CCDC192: variants seen among roughly 807,000 people sequenced by gnomAD.
CCDC192 encodes the protein coiled-coil domain containing 192.
intron 5 of CCDC192, among the ~76,000 whole-genome samples, chr5:127,816,729 G>A (rs567277152): frequency 8.5e-5 from 13 of 152,334 alleles, no homozygotes; most frequent in African/African-American, 2.6e-4. Context: ...AATGTTTCAA[G>A]CCTTGCACTG....
At chr5:127,707,005 C>T (rs1170488645) in intron 1 of CCDC192, among the ~76,000 whole-genome samples, 4 of 152,114 alleles carry the variant, frequency 2.6e-5, no homozygotes, top group Admixed American at 6.5e-5. Context: ...TAAGTCATGT[C>T]AAAAGCTGTT....
chr5:127,797,731 GTATATATATATATATATATATA>G (rs146458343), intron 4 of CCDC192, among the ~76,000 whole-genome samples: 238 of 21,058 alleles, frequency 0.011, 4 homozygotes, highest in African/African-American at 0.04. Context: ...TCATGTGAAG[GTATATATATATATATATATATA>G]TATATATATA....
rs1752972851 is a variant in CCDC192 at position 127,736,119 on chromosome 5, T to A, written c.115-18149T>A. 3.9e-5 allele frequency among the ~76,000 whole-genome samples: 2 copies of A among 51,444 alleles called. 1 individual carries two copies. Among genetic ancestry groups the A allele is most frequent in the Admixed American group, 5.7e-4 (2 of 3,520 alleles). The allele number at this position is 51,444 out of a possible 152,430, so 33.7% of individuals were successfully genotyped here. ...ATATGTCCCATCAAGACCTAATTTA[T>A]TGAGAGTTTTTAGCATGAAGGGTTG... On this transcript the variant is annotated intron_variant, in intron 2 of 6. Transcript: ENST00000514853.
At chr5:127,812,136 T>C (rs886727331) in intron 5 of CCDC192, among the ~76,000 whole-genome samples, 2 of 152,180 alleles carry the variant, frequency 1.3e-5, no homozygotes, top group Non-Finnish European at 2.9e-5. Flanking sequence ...GTTAAATGTG[T>C]TAATTTTTAT....
At chr5:127,777,164 G>T (rs1755916322) in intron 3 of CCDC192, among the ~76,000 whole-genome samples, 1 of 152,220 alleles carries the variant, frequency 6.6e-6, no homozygotes, top group Non-Finnish European at 1.5e-5. Context: ...GCAGCCATGA[G>T]GGAGGCTGTA....
intron 2 of CCDC192, among the ~76,000 whole-genome samples, chr5:127,744,518 A>C (rs1197624065): frequency 6.6e-6 from 1 of 152,220 alleles, no homozygotes; most frequent in African/African-American, 2.4e-5. Flanking sequence ...AGAGAAACTG[A>C]ATTCTCCAAA....
At chr5:127,868,329 A>G (rs534057742) in intron 5 of CCDC192, among the ~76,000 whole-genome samples, 1 of 152,332 alleles carries the variant, frequency 6.6e-6, no homozygotes, top group South Asian at 2.1e-4. Flanking sequence ...AAGGAATCAG[A>G]AAATCTGGCT....
intron 5 of CCDC192, among the ~76,000 whole-genome samples, chr5:127,832,469 T>C (rs1749844902): frequency 6.6e-6 from 1 of 152,150 alleles, no homozygotes; most frequent in African/African-American, 2.4e-5. Context: ...GTGAAAATTT[T>C]TAAAGATATA....
chr5:127,740,293 G>A (rs1025798615), intron 2 of CCDC192: 9 of 152,188 alleles, frequency 5.9e-5, no homozygotes, highest in African/African-American at 2.2e-4. Context: ...TTGATTGCAA[G>A]ACCTTAAAAG....
At chr5:127,791,384 A>G (rs918242659) in intron 3 of CCDC192, among the ~76,000 whole-genome samples, 35 of 152,376 alleles carry the variant, frequency 2.3e-4, no homozygotes, top group African/African-American at 8.4e-4. Flanking sequence ...TATTTAAGTA[A>G]CACTTAAAAT....
At chr5:127,786,987 G>A (rs139251419) in intron 3 of CCDC192, 2 of 366,586 alleles carry the variant, frequency 5.5e-6, no homozygotes, top group East Asian at 1.4e-4. Context: ...ATCCAGATCT[G>A]GTCTAAGCCA....
chr5:127,913,463 C>T (rs777850344), intron 6 of CCDC192, among the ~76,000 whole-genome samples: 5 of 152,144 alleles, frequency 3.3e-5, no homozygotes, highest in Admixed American at 2.6e-4. Context: ...TCCTGAGTAT[C>T]CTGGAAAAGG....
At chr5:127,702,499 C>T (rs76783167), upstream of CCDC192, among the ~76,000 whole-genome samples, 1,423 of 152,214 alleles carry the variant, frequency 9.3e-3, 23 homozygotes, top group African/African-American at 0.033. Flanking sequence ...GAAGTAAATG[C>T]TAATTATACT....
chr5:127,777,490 C>A (rs1755938854), intron 3 of CCDC192, among the ~76,000 whole-genome samples: 1 of 152,082 alleles, frequency 6.6e-6, no homozygotes, highest in African/African-American at 2.4e-5. Context: ...GGACTGTGGA[C>A]TTTTGAGTTA....
intron 2 of CCDC192, among the ~76,000 whole-genome samples, chr5:127,749,982 T>C (rs940872669): frequency 2.0e-5 from 3 of 151,882 alleles, no homozygotes; most frequent in South Asian, 4.2e-4. Context: ...TTTTTTATTG[T>C]GTCTATTTGA....
At chr5:127,825,492 CT>C (rs1749486651) in intron 5 of CCDC192, among the ~76,000 whole-genome samples, 1 of 152,204 alleles carries the variant, frequency 6.6e-6, no homozygotes, top group African/African-American at 2.4e-5. Context: ...TCAGGAATTT[CT>C]CCAGTTCTTA....
At position 127,719,832 on chromosome 5, in the gene CCDC192, G is replaced by GT. The variant is rs1554068213; in HGVS notation, c.114+12072_114+12073insT. On this transcript the variant is annotated intron_variant, in intron 2 of 6. Transcript: ENST00000514853. ...CTCGCATGGCCAGATCAGAGGAAGGGGCGGGGGAGGTGACACATGCTTTTT... is the reference window on the plus strand; with the variant it reads ...CTCGCATGGCCAGATCAGAGGAAGGGTGCGGGGGAGGTGACACATGCTTTTT... Among the ~76,000 whole-genome samples the GT allele has an allele frequency of 1.8e-5, 2 of 112,228 alleles. 1 individual carries two copies. Among genetic ancestry groups the GT allele is most frequent in the African/African-American group, 7.6e-5 (2 of 26,466 alleles). The allele number at this position is 112,228 out of a possible 152,430, so 73.6% of individuals were successfully genotyped here. A position where few individuals can be genotyped will look rare whatever the true frequency, so the allele number is the denominator to read the frequency against.
intron 3 of CCDC192, among the ~76,000 whole-genome samples, chr5:127,791,846 A>G (rs1756883044): frequency 6.6e-6 from 1 of 152,194 alleles, no homozygotes; most frequent in Non-Finnish European, 1.5e-5. Flanking sequence ...GAAAAAGAAG[A>G]CACTGACAGA....
At position 127,882,079 on chromosome 5, in the gene CCDC192, C is replaced by T. The variant is rs571457526; in HGVS notation, c.535+6418C>T. On this transcript the variant is annotated intron_variant, in intron 6 of 6. Transcript: ENST00000514853. ...TAAAGTTACCTCTTTGTTTTACTCC[C>T]ATTAAGGAGGTACTCCTCAGGTAGT... Among the ~76,000 whole-genome samples, 7 of 152,286 alleles carry T rather than the reference C, an allele frequency of 4.6e-5. No homozygotes were observed. The South Asian group carries it at 1.2e-3, about 27-fold the overall frequency.
Sources: gnomAD v4.1 joint callset for allele counts (sites outside exome capture counted in the v4.1 genomes callset) on GRCh38, gnomAD v4.1.1 for gene constraint, MANE v1.5 for transcripts, NCBI Gene and HGNC (gene_info 2026-07-23, HGNC 2026-07-21) for gene names.